Variants in HOXA3 observed in about 807,000 individuals in gnomAD.
The protein encoded by HOXA3 is homeobox protein Hox-A3.
HOXA3 carries 8 observed loss-of-function variants against 30.3 expected under a neutral mutation model. That is an observed-to-expected ratio of 0.26 (90% confidence interval 0.15 to 0.48). HOXA3 has a LOEUF of 0.48. HOXA3 is among the 20% of genes least tolerant of loss of function. The probability of loss-of-function intolerance (pLI) is 0.99; values close to 1 mark genes in which losing one functional copy is unlikely to be tolerated. For missense variants in HOXA3, 653 were observed against 614.4 expected (o/e 1.06, Z -0.66); for synonymous variants, 323 against 273.1 (o/e 1.18, Z -1.80).
intron 4 of HOXA3, among the ~76,000 whole-genome samples, chr7:27,114,949 T>A (rs1784634212): frequency 7.0e-6 from 1 of 143,224 alleles, no homozygotes; most frequent in Non-Finnish European, 1.5e-5. Context: ...GGTCCGAATT[T>A]GCCTGGTAAT....
chr7:27,138,698 T>C (rs1785790096), intron 2 of HOXA3, among the ~76,000 whole-genome samples: 1 of 152,150 alleles, frequency 6.6e-6, no homozygotes, highest in Non-Finnish European at 1.5e-5. Context: ...CTGGGGCCAA[T>C]ATGGAATTGT....
chr7:27,131,073 A>G (rs1433858074), intron 2 of HOXA3, among the ~76,000 whole-genome samples: 2 of 151,676 alleles, frequency 1.3e-5, no homozygotes, highest in Admixed American at 6.6e-5. Context: ...GGAGCTTTGG[A>G]CCCCAGCCCC....
At chr7:27,138,049 G>A (rs1322276924) in intron 2 of HOXA3, among the ~76,000 whole-genome samples, 2 of 151,934 alleles carry the variant, frequency 1.3e-5, no homozygotes, top group African/African-American at 4.8e-5. Flanking sequence ...TTCCAATAAG[G>A]AGCCCAAAAT....
rs201812292 is a variant in HOXA3, at chr7:27,110,909, A to T, written c.-120-149T>A. ...CCCCGGGCGCAGGGAGCCGTGCTATAAAAAACCGCTGGAATTTACTGGCAG... is the reference window on the plus strand; with the variant it reads ...CCCCGGGCGCAGGGAGCCGTGCTATTAAAAACCGCTGGAATTTACTGGCAG... On this transcript the variant is annotated intron_variant, in intron 4 of 5. Transcript: ENST00000612286. 7.9e-5 allele frequency: 36 copies of T among 452,950 alleles called. No homozygotes were observed. The East Asian group carries it at 1.3e-3, about 16-fold the overall frequency. The allele number at this position is 452,950 out of a possible 1,614,324, so 28.1% of individuals were successfully genotyped here.
intron 4 of HOXA3, among the ~76,000 whole-genome samples, chr7:27,114,827 A>ATATATT (rs1562714438): frequency 1.7e-4 from 17 of 98,496 alleles, no homozygotes; most frequent in Admixed American, 5.1e-4. Context: ...ATATATATAT[A>ATATATT]ATATATATTA....
intron 2 of HOXA3, chr7:27,129,629 A>G (rs1785434060): frequency 6.3e-7 from 1 of 1,587,614 alleles, no homozygotes. Flanking sequence ...AAGAGAGGGA[A>G]AGGAGGAGGA....
At position 27,114,444 on chromosome 7, in the gene HOXA3, G is replaced by GT. The variant is rs1037058109; in HGVS notation, c.-120-3685dup. Among the ~76,000 whole-genome samples, 11 of 151,714 alleles carry GT rather than the reference G, an allele frequency of 7.3e-5. No individual in the cohort carries two copies. The South Asian group carries it at 1.9e-3, about 26-fold the overall frequency. On this transcript the variant is annotated intron_variant, in intron 4 of 5. Transcript: ENST00000612286. ...CTGCAACTCCCAAACAGATCTTTGGGTGGGGGTGTGGGGAGCTGGGATAAG... is the reference window on the plus strand; with the variant it reads ...CTGCAACTCCCAAACAGATCTTTGGGTTGGGGGTGTGGGGAGCTGGGATAAG...
At chr7:27,141,708 A>G in intron 1 of HOXA3, 1 of 1,196,616 alleles carries the variant, frequency 8.4e-7, no homozygotes, top group Non-Finnish European at 1.2e-6. Flanking sequence ...TGATTAAAAG[A>G]TGAATTAGGG....
chr7:27,128,727 A>T (rs1297428291), intron 2 of HOXA3: 2 of 177,858 alleles, frequency 1.1e-5, no homozygotes, highest in African/African-American at 4.7e-5. Context: ...CAAGGTCTAC[A>T]CATCTTAAGA....
At chr7:27,121,639 G>A (rs1368585451) in intron 4 of HOXA3, among the ~76,000 whole-genome samples, 2 of 152,118 alleles carry the variant, frequency 1.3e-5, no homozygotes, top group African/African-American at 4.8e-5. Context: ...ATCTATTTGG[G>A]AGCAAATTTA....
intron 1 of HOXA3, chr7:27,147,651 G>C (rs1416035446): frequency 1.2e-6 from 2 of 1,614,086 alleles, no homozygotes; most frequent in Non-Finnish European, 1.7e-6. Flanking sequence ...GCCTCAGCGC[G>C]TCATAGCCAG....
chr7:27,147,515 AAC>A (rs1782814307), intron 1 of HOXA3: 1 of 1,614,030 alleles, frequency 6.2e-7, no homozygotes. Context: ...TCAGAATAGA[AAC>A]ACGAGGCCCC....
intron 2 of HOXA3, among the ~76,000 whole-genome samples, chr7:27,139,159 G>A (rs189283381): frequency 6.6e-6 from 1 of 152,318 alleles, no homozygotes; most frequent in East Asian, 1.9e-4. Context: ...AAAAGAAAGC[G>A]CTTTAACCCC....
chr7:27,118,919 A>G (rs1408792415), intron 4 of HOXA3, among the ~76,000 whole-genome samples: 1 of 152,212 alleles, frequency 6.6e-6, no homozygotes, highest in Non-Finnish European at 1.5e-5. Context: ...CAAAAGGTTA[A>G]AGCATCTCCT....
chr7:27,145,163 C>T (rs1030334002), intron 1 of HOXA3, among the ~76,000 whole-genome samples: 5 of 152,230 alleles, frequency 3.3e-5, no homozygotes, highest in African/African-American at 1.2e-4. Flanking sequence ...TCTTAGACCC[C>T]CTCTTTCCAC....
At chr7:27,129,612 G>A (rs753851031) in intron 2 of HOXA3, 2 of 1,603,766 alleles carry the variant, frequency 1.2e-6, no homozygotes, top group Middle Eastern at 1.6e-4. Context: ...CAAGGAGGAG[G>A]GAGCGGAAGA....
At chr7:27,137,670 A>G (rs1010654790) in intron 2 of HOXA3, among the ~76,000 whole-genome samples, 13 of 152,366 alleles carry the variant, frequency 8.5e-5, no homozygotes, top group Non-Finnish European at 1.9e-4. Context: ...TGTATTTTTA[A>G]AGTCATTTTA....
Position 27,148,886 on chromosome 7 carries a change from G to T in HOXA3, c.-494+3402C>A, listed in dbSNP as rs1244899493. Among the ~76,000 whole-genome samples the T allele has an allele frequency of 2.0e-5, 3 of 152,382 alleles. No individual in the cohort carries two copies. In the East Asian group the frequency reaches 5.8e-4, roughly 29 times the overall value. On this transcript the variant is annotated intron_variant, in intron 1 of 5. Coordinates refer to ENST00000612286, the MANE Select transcript of HOXA3 (RefSeq NM_153631.3). ...CAAGCTGGGCACAGAGGGCAGCTCT[G>T]CAGGGCCCAAGGCCGCGGGATAATT...
At chr7:27,121,429 G>C (rs1009887376) in intron 4 of HOXA3, among the ~76,000 whole-genome samples, 1 of 152,126 alleles carries the variant, frequency 6.6e-6, no homozygotes, top group Non-Finnish European at 1.5e-5. Context: ...TGCTGAGATG[G>C]AAATCATATA....
Sources: gnomAD v4.1 joint callset for allele counts (sites outside exome capture counted in the v4.1 genomes callset) on GRCh38, gnomAD v4.1.1 for gene constraint, MANE v1.5 for transcripts, NCBI Gene and HGNC (gene_info 2026-07-23, HGNC 2026-07-21) for gene names.